MACROD2: variants seen among roughly 807,000 people sequenced by gnomAD.
The protein encoded by MACROD2 is ADP-ribose glycohydrolase MACROD2.
A neutral mutation model predicts 70.4 loss-of-function variants in MACROD2; 36 were observed. The observed-to-expected ratio is 0.51, with a 90% CI of 0.39 to 0.68. The LOEUF (loss-of-function observed/expected upper bound fraction) is 0.68, where lower values mean the gene tolerates loss of function less well. Ranked by LOEUF, MACROD2 falls within the 30% of genes least tolerant of loss-of-function variation. The pLI is 0.00. For missense variants in MACROD2, 496 were observed against 538.4 expected (o/e 0.92, Z 0.78); for synonymous variants, 172 against 178.8 (o/e 0.96, Z 0.30).
intron 2 of MACROD2, among the ~76,000 whole-genome samples, chr20:14,004,394 A>G (rs1377373803): frequency 6.6e-6 from 1 of 152,182 alleles, no homozygotes; most frequent in Non-Finnish European, 1.5e-5. Context: ...TAAACTTGAA[A>G]GTCCTCCATG....
intron 5 of MACROD2, among the ~76,000 whole-genome samples, chr20:14,856,413 AAGCTATCTGAGCATTTAGCTAG>A (rs1016131503): frequency 3.3e-5 from 5 of 152,168 alleles, no homozygotes; most frequent in African/African-American, 1.2e-4. Flanking sequence ...CCAGTTATAA[AAGCTATCTGAGCATTTAGCTAG>A]AACTATGCAT....
intron 3 of MACROD2, among the ~76,000 whole-genome samples, chr20:14,456,886 T>G (rs1419255877): frequency 2.6e-5 from 4 of 151,500 alleles, no homozygotes; most frequent in Non-Finnish European, 2.9e-5. Context: ...CCGGCCAACT[T>G]TTTTGTATTT....
At chr20:14,192,912 A>G (rs368323345) in intron 3 of MACROD2, among the ~76,000 whole-genome samples, 19 of 152,274 alleles carry the variant, frequency 1.2e-4, no homozygotes, top group African/African-American at 4.1e-4. Context: ...CATCTGACTG[A>G]ACAATTCATA....
At chr20:14,080,685 C>CGT (rs150139105) in intron 2 of MACROD2, among the ~76,000 whole-genome samples, 33 of 150,492 alleles carry the variant, frequency 2.2e-4, no homozygotes, top group South Asian at 2.1e-4. Flanking sequence ...TAGTCCTGTT[C>CGT]ATTTTTTTTT....
intron 6 of MACROD2, among the ~76,000 whole-genome samples, chr20:15,234,615 T>G (rs143516269): frequency 5.7e-4 from 87 of 152,296 alleles, no homozygotes; most frequent in African/African-American, 2.1e-3. Flanking sequence ...AGCATCTAAA[T>G]TATGTTGATT....
At chr20:14,778,523 G>A (rs2180477) in intron 5 of MACROD2, among the ~76,000 whole-genome samples, 8,039 of 152,044 alleles carry the variant, frequency 0.053, 342 homozygotes, top group East Asian at 0.17. Flanking sequence ...ACTAAGACCC[G>A]GTCTAGATCC....
Position 16,023,453 on chromosome 20 carries a change from G to C in MACROD2, c.1154-17748G>C, listed in dbSNP as rs61441148. ...CCTGTCACTGCACTCCAGCCTAGGG[G>C]ACAGAGCGAGACTCCATCTCAAAAA... On this transcript the variant is annotated intron_variant, in intron 15 of 17. Coordinates refer to ENST00000684519, the MANE Select transcript of MACROD2 (RefSeq NM_001351661.2). Among the ~76,000 whole-genome samples the C allele has an allele frequency of 6.5e-3, 795 of 122,696 alleles. 12 individuals are homozygous for C. The highest frequency in any genetic ancestry group is 0.023 in the African/African-American group (754 of 32,714). The allele number at this position is 122,696 out of a possible 152,430, so 80.5% of individuals were successfully genotyped here. A position where few individuals can be genotyped will look rare whatever the true frequency, so the allele number is the denominator to read the frequency against.
chr20:15,363,414 A>G (rs940118450), intron 6 of MACROD2, among the ~76,000 whole-genome samples: 10 of 152,250 alleles, frequency 6.6e-5, no homozygotes, highest in Admixed American at 2.6e-4. Flanking sequence ...TTTAAAACCC[A>G]TAAGAGAAAG....
intron 5 of MACROD2, among the ~76,000 whole-genome samples, chr20:14,917,095 C>A (rs909278555): frequency 6.6e-6 from 1 of 151,380 alleles, no homozygotes; most frequent in Non-Finnish European, 1.5e-5. Context: ...CCTGCCAAGT[C>A]TCCTGTCCTT....
intron 3 of MACROD2, among the ~76,000 whole-genome samples, chr20:14,278,149 A>T (rs2082274977): frequency 6.6e-6 from 1 of 152,232 alleles, no homozygotes; most frequent in Admixed American, 6.5e-5. Flanking sequence ...GTGAATCTTT[A>T]TTAGCTGCTT....
intron 5 of MACROD2, among the ~76,000 whole-genome samples, chr20:14,786,326 A>C (rs2072373722): frequency 6.6e-6 from 1 of 151,876 alleles, no homozygotes; most frequent in South Asian, 2.1e-4. Context: ...AATTCTAAGC[A>C]CTGGATATTT....
chr20:14,944,629 T>C (rs2423864), intron 5 of MACROD2, among the ~76,000 whole-genome samples: 72,400 of 151,914 alleles, frequency 0.48, 18,346 homozygotes, highest in African/African-American at 0.63. Flanking sequence ...GTGAAGGGAA[T>C]GCGTACAGGA....
chr20:14,883,122 A>G (rs2073629818), intron 5 of MACROD2, among the ~76,000 whole-genome samples: 1 of 152,182 alleles, frequency 6.6e-6, no homozygotes, highest in Admixed American at 6.5e-5. Context: ...AATACCACAA[A>G]GGAGTAAGAT....
At chr20:15,258,200 A>G (rs1482421838) in intron 6 of MACROD2, among the ~76,000 whole-genome samples, 2 of 152,098 alleles carry the variant, frequency 1.3e-5, no homozygotes, top group African/African-American at 4.8e-5. Context: ...TTAAAAATTT[A>G]TACATTAAGG....
At chr20:14,485,746 G>A (rs1032788481) in intron 3 of MACROD2, among the ~76,000 whole-genome samples, 1 of 150,370 alleles carries the variant, frequency 6.7e-6, no homozygotes, top group Admixed American at 6.6e-5. Flanking sequence ...AAGTATGGAA[G>A]GGAATGGTAG....
chr20:15,914,439 T>C (rs1483066572), intron 10 of MACROD2, among the ~76,000 whole-genome samples: 5 of 152,120 alleles, frequency 3.3e-5, no homozygotes, highest in Non-Finnish European at 7.4e-5. Context: ...GCATGATCAG[T>C]GGGAATTTGT....
chr20:14,870,831 T>C (rs1166644607), intron 5 of MACROD2, among the ~76,000 whole-genome samples: 25 of 152,168 alleles, frequency 1.6e-4, no homozygotes, highest in Admixed American at 1.6e-3. Flanking sequence ...AAGTTCCTTA[T>C]AGATGCTGGA....
chr20:15,930,323 C>A (rs1363571994), intron 10 of MACROD2, among the ~76,000 whole-genome samples: 1 of 152,102 alleles, frequency 6.6e-6, no homozygotes, highest in Non-Finnish European at 1.5e-5. Flanking sequence ...CCAGTGGAAG[C>A]CCCCTATTTC....
chr20:14,478,252 C>A lies in MACROD2; in HGVS notation c.272-15227C>A, dbSNP rs536936431. Among the ~76,000 whole-genome samples, 19 of 152,216 alleles carry A rather than the reference C, an allele frequency of 1.2e-4. 1 individual carries two copies. The South Asian group carries it at 2.7e-3, about 22-fold the overall frequency. ...GGGGCAAGGCCTGGGCCTTTATATC[C>A]CCATAAGTATCAGCACTGGGCAGAG... On this transcript the variant is annotated intron_variant, in intron 3 of 17. Coordinates refer to ENST00000684519, the MANE Select transcript of MACROD2 (RefSeq NM_001351661.2).
Sources: allele counts gnomAD v4.1 joint callset (sites outside exome capture counted in the v4.1 genomes callset), GRCh38; gene constraint gnomAD v4.1.1; transcripts MANE v1.5; gene names NCBI Gene and HGNC (gene_info 2026-07-23, HGNC 2026-07-21).